The following MTUS2 variants were observed in gnomAD, a reference collection of about 807,000 sequenced individuals.
MTUS2 encodes the protein microtubule-associated tumor suppressor candidate 2.
A neutral mutation model predicts 114.1 loss-of-function variants in MTUS2; 40 were observed. The observed-to-expected ratio is 0.35, with a 90% CI of 0.27 to 0.46. The LOEUF (loss-of-function observed/expected upper bound fraction) is 0.46. Among genes scored for constraint, MTUS2 ranks in the 20% least tolerant of loss-of-function variants. The probability of loss-of-function intolerance (pLI) is 1.00; values close to 1 mark genes in which losing one functional copy is unlikely to be tolerated. For missense variants in MTUS2, 1,679 were observed against 1,705.4 expected (o/e 0.98, Z 0.27); for synonymous variants, 688 against 672.0 (o/e 1.02, Z -0.37).
intron 2 of MTUS2, among the ~76,000 whole-genome samples, chr13:29,023,754 A>G (rs542158938): frequency 1.4e-4 from 22 of 152,358 alleles, no homozygotes; most frequent in African/African-American, 4.8e-4. Flanking sequence ...GTTATTTTGC[A>G]ATACATACCT....
intron 2 of MTUS2, among the ~76,000 whole-genome samples, chr13:28,999,795 C>T (rs2138376819): frequency 6.6e-6 from 1 of 152,318 alleles, no homozygotes; most frequent in African/African-American, 2.4e-5. Context: ...CCGCCAGCCT[C>T]TGGTAACCAC....
At chr13:29,387,082 G>A (rs948542233) in intron 8 of MTUS2, among the ~76,000 whole-genome samples, 3 of 152,194 alleles carry the variant, frequency 2.0e-5, no homozygotes, top group African/African-American at 7.2e-5. Context: ...GATTGAATTG[G>A]GGGGCAGGGT....
intron 2 of MTUS2, among the ~76,000 whole-genome samples, chr13:28,933,175 C>A (rs1458910634): frequency 6.6e-6 from 1 of 150,422 alleles, no homozygotes. Context: ...ATTGATTGAT[C>A]TGTTAACTTA....
At chr13:28,970,806 G>C (rs1593344729) in intron 2 of MTUS2, among the ~76,000 whole-genome samples, 1 of 152,278 alleles carries the variant, frequency 6.6e-6, no homozygotes, top group African/African-American at 2.4e-5. Flanking sequence ...CAGGGCCATG[G>C]AGCAAGAGCT....
chr13:28,921,453 G>T (rs759557160), intron 2 of MTUS2, among the ~76,000 whole-genome samples: 3 of 152,202 alleles, frequency 2.0e-5, no homozygotes, highest in Non-Finnish European at 4.4e-5. Flanking sequence ...ACAGAAGGAA[G>T]GGGTCTTTTC....
chr13:28,998,384 T>C (rs899586578), intron 2 of MTUS2, among the ~76,000 whole-genome samples: 6 of 152,208 alleles, frequency 3.9e-5, no homozygotes, highest in Admixed American at 1.3e-4. Context: ...GTTGCTCTTC[T>C]TGAGGAGTAT....
chr13:29,387,147 C>G (rs1872682264), intron 8 of MTUS2, among the ~76,000 whole-genome samples: 1 of 152,160 alleles, frequency 6.6e-6, no homozygotes, highest in Non-Finnish European at 1.5e-5. Context: ...TGCGTAAATT[C>G]AGAACTTTAC....
At chr13:28,826,399 A>G (rs1455318540) in intron 1 of MTUS2, among the ~76,000 whole-genome samples, 1 of 152,210 alleles carries the variant, frequency 6.6e-6, no homozygotes, top group East Asian at 1.9e-4. Context: ...AGATTATTGT[A>G]TTTCAGCCAA....
At chr13:29,246,406 G>A (rs76650973) in intron 5 of MTUS2, among the ~76,000 whole-genome samples, 40 of 152,294 alleles carry the variant, frequency 2.6e-4, no homozygotes, top group Non-Finnish European at 3.4e-4. Context: ...TCCTCTCCCC[G>A]GATCTCCTGT....
At chr13:29,486,088 A>G (rs907404648) in intron 10 of MTUS2, among the ~76,000 whole-genome samples, 2 of 152,230 alleles carry the variant, frequency 1.3e-5, no homozygotes, top group Non-Finnish European at 2.9e-5. Flanking sequence ...AAAACCTCCT[A>G]TAAACAGGAA....
At chr13:29,176,073 A>G (rs1206647405) in intron 5 of MTUS2, among the ~76,000 whole-genome samples, 1 of 151,958 alleles carries the variant, frequency 6.6e-6, no homozygotes, top group Non-Finnish European at 1.5e-5. Context: ...GTTTCTGTGG[A>G]TAAGAGAGAA....
chr13:28,995,636 C>T (rs376762907), intron 2 of MTUS2, among the ~76,000 whole-genome samples: 1 of 151,992 alleles, frequency 6.6e-6, no homozygotes. Flanking sequence ...AGTTGGATTC[C>T]TAGGTATTTT....
intron 7 of MTUS2, among the ~76,000 whole-genome samples, chr13:29,347,320 G>A (rs1868793547): frequency 6.6e-6 from 1 of 152,000 alleles, no homozygotes; most frequent in Non-Finnish European, 1.5e-5. Flanking sequence ...TGTATATGTT[G>A]TAGTTACAGT....
At chr13:28,857,151 A>G (rs1876684411) in intron 2 of MTUS2, among the ~76,000 whole-genome samples, 1 of 152,236 alleles carries the variant, frequency 6.6e-6, no homozygotes, top group Admixed American at 6.5e-5. Flanking sequence ...AGCTATTAAT[A>G]CTGTTTCAAA....
At chr13:29,088,615 G>C (rs1180623835) in intron 4 of MTUS2, among the ~76,000 whole-genome samples, 1 of 152,060 alleles carries the variant, frequency 6.6e-6, no homozygotes, top group Non-Finnish European at 1.5e-5. Flanking sequence ...TTTCTTTATA[G>C]GTCTTTAATG....
intron 2 of MTUS2, among the ~76,000 whole-genome samples, chr13:28,917,659 C>T (rs1390705272): frequency 1.3e-5 from 2 of 149,824 alleles, no homozygotes; most frequent in Non-Finnish European, 3.0e-5. Context: ...TTTATTTATT[C>T]TTTCAAAAAA....
chr13:29,185,889 T>C (rs1346779171), intron 5 of MTUS2, among the ~76,000 whole-genome samples: 1 of 152,124 alleles, frequency 6.6e-6, no homozygotes, highest in African/African-American at 2.4e-5. Flanking sequence ...AAGGACATTA[T>C]AGAAGTTGAA....
At chr13:29,407,057 C>T (rs1249064291) in intron 8 of MTUS2, among the ~76,000 whole-genome samples, 2 of 152,108 alleles carry the variant, frequency 1.3e-5, no homozygotes, top group Non-Finnish European at 2.9e-5. Context: ...CCAGCCTGGC[C>T]AACATGGTGA....
chr13:28,890,535 A>G (rs762294019), intron 2 of MTUS2, among the ~76,000 whole-genome samples: 2 of 152,238 alleles, frequency 1.3e-5, no homozygotes, highest in African/African-American at 2.4e-5. Flanking sequence ...TATGAGAATT[A>G]AATGAAAAAA....
Sources: allele counts gnomAD v4.1 joint callset (sites outside exome capture counted in the v4.1 genomes callset), GRCh38; gene constraint gnomAD v4.1.1; transcripts MANE v1.5; gene names NCBI Gene and HGNC (gene_info 2026-07-23, HGNC 2026-07-21).